The following FBXW4 variants were observed in gnomAD, a reference collection of about 807,000 sequenced individuals.
FBXW4 encodes the protein F-box/WD repeat-containing protein 4.
Under a neutral mutation model 61.8 loss-of-function variants are expected in FBXW4, and 40 were observed. The ratio of observed to expected loss-of-function variants is 0.65; its 90% confidence interval spans 0.50 to 0.84. The LOEUF (loss-of-function observed/expected upper bound fraction) is 0.84. Among genes scored for constraint, FBXW4 ranks in the 40% least tolerant of loss-of-function variants. The pLI, the probability that FBXW4 is intolerant of heterozygous loss-of-function variation, is 0.00. For synonymous variants in FBXW4, 311 were observed against 313.8 expected, an observed-to-expected ratio of 0.99 and a Z score of 0.10; for missense variants, 672 against 753.8, an observed-to-expected ratio of 0.89 and a Z score of 1.27.
intron 5 of FBXW4, among the ~76,000 whole-genome samples, chr10:101,664,113 T>G (rs4919571): frequency 1 from 151,744 of 152,286 alleles, 75,605 homozygotes; most frequent in East Asian, 1. Context: ...CAAAGTAAAG[T>G]AAGAAAGGAA....
At chr10:101,668,183 A>G (rs570157598) in intron 4 of FBXW4, among the ~76,000 whole-genome samples, 1 of 152,290 alleles carries the variant, frequency 6.6e-6, no homozygotes, top group South Asian at 2.1e-4. Flanking sequence ...TCTCCATCCT[A>G]ACTACCCTCT....
intron 5 of FBXW4, among the ~76,000 whole-genome samples, chr10:101,665,822 C>G (rs1441137656): frequency 6.6e-6 from 1 of 152,084 alleles, no homozygotes; most frequent in African/African-American, 2.4e-5. Context: ...GAGGAGGAGG[C>G]TGGAATAGAG....
intron 1 of FBXW4, among the ~76,000 whole-genome samples, chr10:101,677,613 T>C (rs2064427411): frequency 6.6e-6 from 1 of 152,150 alleles, no homozygotes; most frequent in South Asian, 2.1e-4. Flanking sequence ...CAAGTTTATA[T>C]GCATTTGTCA....
At chr10:101,662,961 A>G (rs920325561) in intron 5 of FBXW4, among the ~76,000 whole-genome samples, 2 of 152,136 alleles carry the variant, frequency 1.3e-5, no homozygotes, top group African/African-American at 4.8e-5. Flanking sequence ...TCAGGAAGAG[A>G]GAATGTTCAC....
intron 1 of FBXW4, among the ~76,000 whole-genome samples, chr10:101,692,516 G>A (rs544693041): frequency 1.7e-4 from 26 of 151,992 alleles, no homozygotes; most frequent in Middle Eastern, 3.4e-3. Flanking sequence ...AGCACTTTGG[G>A]AGGCCGAGGT....
chr10:101,676,975 G>A (rs879517513), intron 1 of FBXW4, among the ~76,000 whole-genome samples: 7 of 152,114 alleles, frequency 4.6e-5, no homozygotes, highest in South Asian at 2.1e-4. Flanking sequence ...TACACAAGCC[G>A]TCGTCTGGGA....
At chr10:101,668,279 GAGA>G (rs1269684228) in intron 4 of FBXW4, among the ~76,000 whole-genome samples, 1 of 152,234 alleles carries the variant, frequency 6.6e-6, no homozygotes, top group Admixed American at 6.5e-5. Flanking sequence ...AGACTTGACT[GAGA>G]AGAAGTGGGT....
intron 5 of FBXW4, among the ~76,000 whole-genome samples, chr10:101,652,822 A>G (rs375917849): frequency 6.6e-6 from 1 of 152,084 alleles, no homozygotes; most frequent in South Asian, 2.1e-4. Flanking sequence ...TCCACCATCT[A>G]CTCTGGCTGG....
At position 101,611,923 on chromosome 10, in the gene FBXW4, A is replaced by C. The variant is rs1208930550; in HGVS notation, c.1443-154T>G. Among the ~76,000 whole-genome samples the C allele has an allele frequency of 6.6e-6, 1 of 152,212 alleles. No homozygotes were observed. Among genetic ancestry groups the C allele is most frequent in the Admixed American group, 6.5e-5 (1 of 15,284 alleles). On this transcript the variant is annotated intron_variant, in intron 7 of 8. Transcript: ENST00000331272. This position sits in a 1 kb window ranked among gnomAD's most constrained non-coding sequence, Gnocchi z 4.9. ...AATCATCAGATTCATCAAAAACCGA[A>C]CTTCATGGGAGAAAGCATCTTCTGT...
At chr10:101,637,253 G>A (rs1450427292) in intron 5 of FBXW4, among the ~76,000 whole-genome samples, 9 of 150,102 alleles carry the variant, frequency 6.0e-5, no homozygotes, top group Admixed American at 2.0e-4. Context: ...TTAGCTGGGC[G>A]TGGTGGTGGG....
chr10:101,670,651 G>T lies in FBXW4; in HGVS notation c.1140+2264C>A, dbSNP rs372126329. Among the ~76,000 whole-genome samples, 35 of 152,284 alleles carry T rather than the reference G, an allele frequency of 2.3e-4. 2 individuals are homozygous for T. The highest frequency in any genetic ancestry group is 1.4e-3 in the East Asian group (7 of 5,184). On this transcript the variant is annotated intron_variant, in intron 4 of 8. Coordinates refer to ENST00000331272, the MANE Select transcript of FBXW4 (RefSeq NM_022039.4). ...GCTTTATCTCCCTTACTTCTGAAGA[G>T]CCCAGGTGCCTCTGTACCAAGCCTC...
At chr10:101,678,996 T>C (rs546326252) in intron 1 of FBXW4, among the ~76,000 whole-genome samples, 1 of 152,270 alleles carries the variant, frequency 6.6e-6, no homozygotes, top group South Asian at 2.1e-4. Context: ...CACACACAGA[T>C]AGTATGAAAG....
At chr10:101,623,836 C>T (rs1287153123) in intron 6 of FBXW4, among the ~76,000 whole-genome samples, 3 of 152,130 alleles carry the variant, frequency 2.0e-5, no homozygotes, top group Non-Finnish European at 2.9e-5. Flanking sequence ...CAAAAAGTGA[C>T]ATATTGTATG....
chr10:101,694,621 TCCC>T lies in FBXW4; in HGVS notation c.482_484del (p.Gly161del). The T allele has an allele frequency of 7.0e-7, 1 of 1,429,420 alleles. No individual in the cohort carries two copies. The highest frequency in any genetic ancestry group is 2.9e-5 in the Admixed American group (1 of 34,618). The allele number at this position is 1,429,420 out of a possible 1,614,324, so 88.5% of individuals were successfully genotyped here. A position where few individuals can be genotyped will look rare whatever the true frequency, so the allele number is the denominator to read the frequency against. On this transcript the variant is annotated inframe_deletion, in exon 1 of 9. Transcript: ENST00000331272. This position sits in a 1 kb window ranked among gnomAD's most constrained non-coding sequence, Gnocchi z 6.0. ...AGCCGCCTCCTCCTCCTCCTCCTCC[TCCC>T]CGGCCGCCGCCGCCATGGCCACCCC... is the stretch of plus-strand genomic sequence containing the variant.
intron 1 of FBXW4, among the ~76,000 whole-genome samples, chr10:101,690,738 C>G (rs963230155): frequency 2.0e-5 from 3 of 152,200 alleles, no homozygotes; most frequent in Admixed American, 6.5e-5. Context: ...AATCAAGAGG[C>G]TCTTCGTCCC....
intron 5 of FBXW4, among the ~76,000 whole-genome samples, chr10:101,643,335 C>A (rs1163084098): frequency 6.6e-6 from 1 of 152,238 alleles, no homozygotes; most frequent in Non-Finnish European, 1.5e-5. Context: ...GCTCAACTCC[C>A]AGGTGCTGGG....
rs1182899285 is a variant in FBXW4, at chr10:101,694,338, G to A, written c.725+43C>T. ...CGCCCCGCCCTTTCCCGGGACGCGG[G>A]GCCGGCTCGGGGCGGGGAGCGGGCG... On this transcript the variant is annotated intron_variant, in intron 1 of 8. Coordinates refer to ENST00000331272, the MANE Select transcript of FBXW4 (RefSeq NM_022039.4). This position sits in a 1 kb window ranked among gnomAD's most constrained non-coding sequence, Gnocchi z 6.0. 5.2e-6 allele frequency: 7 copies of A among 1,341,680 alleles called. No homozygotes were observed. Among genetic ancestry groups the A allele is most frequent in the Non-Finnish European group, 6.6e-6 (7 of 1,053,212 alleles). The allele number at this position is 1,341,680 out of a possible 1,614,324, so 83.1% of individuals were successfully genotyped here. A position where few individuals can be genotyped will look rare whatever the true frequency, so the allele number is the denominator to read the frequency against.
intron 5 of FBXW4, among the ~76,000 whole-genome samples, chr10:101,654,777 T>C (rs2064172559): frequency 6.6e-6 from 1 of 152,222 alleles, no homozygotes; most frequent in Admixed American, 6.5e-5. Flanking sequence ...GAACATAGTA[T>C]AAAATATTTT....
chr10:101,693,987 C>T, intron 1 of FBXW4, among the ~76,000 whole-genome samples: 1 of 152,200 alleles, frequency 6.6e-6, no homozygotes, highest in East Asian at 1.9e-4. Flanking sequence ...CTTAAGGAAC[C>T]TGAGTCCTAG....
Sources: allele counts gnomAD v4.1 joint callset (sites outside exome capture counted in the v4.1 genomes callset), GRCh38; gene constraint gnomAD v4.1.1; non-coding constraint Gnocchi (gnomAD v3.1); transcripts MANE v1.5; gene names NCBI Gene and HGNC (gene_info 2026-07-23, HGNC 2026-07-21).